Variants in KIF6 observed in about 807,000 individuals in gnomAD.
KIF6 encodes kinesin family member 6, also known as kinesin-like protein KIF6.
A neutral mutation model predicts 112.7 loss-of-function variants in KIF6; 106 were observed. That is an observed-to-expected ratio of 0.94 (90% confidence interval 0.80 to 1.11). The LOEUF is 1.11. Among genes scored for constraint, KIF6 ranks in the 50% least tolerant of loss-of-function variants. The pLI is 0.00. For missense variants in KIF6, 929 were observed against 964.0 expected (o/e 0.96, Z 0.48); for synonymous variants, 339 against 339.9 (o/e 1.00, Z 0.03).
intron 13 of KIF6, among the ~76,000 whole-genome samples, chr6:39,453,506 A>G (rs1293293912): frequency 1.3e-5 from 2 of 152,180 alleles, no homozygotes; most frequent in African/African-American, 2.4e-5. Context: ...TCCTTTCTAA[A>G]TTACTTTCAA....
intron 7 of KIF6, among the ~76,000 whole-genome samples, chr6:39,592,606 C>A (rs779255265): frequency 2.6e-5 from 4 of 152,152 alleles, no homozygotes; most frequent in African/African-American, 4.8e-5. Context: ...TGGGTCACAC[C>A]GGGAGCACTC....
At chr6:39,417,483 A>G (rs1374371513) in intron 15 of KIF6, among the ~76,000 whole-genome samples, 1 of 152,212 alleles carries the variant, frequency 6.6e-6, no homozygotes, top group South Asian at 2.1e-4. Flanking sequence ...GGATAAAACA[A>G]ATGTTTACTT....
intron 10 of KIF6, among the ~76,000 whole-genome samples, chr6:39,576,397 T>C (rs888780344): frequency 2.0e-5 from 3 of 152,212 alleles, no homozygotes; most frequent in Non-Finnish European, 2.9e-5. Context: ...GTGCTGGGAT[T>C]ACAGATGTGA....
At chr6:39,407,093 G>T (rs1027666110) in intron 15 of KIF6, among the ~76,000 whole-genome samples, 4 of 151,512 alleles carry the variant, frequency 2.6e-5, no homozygotes, top group African/African-American at 9.7e-5. Context: ...CATGTTCAGG[G>T]TCTTATTTAA....
intron 6 of KIF6, among the ~76,000 whole-genome samples, chr6:39,611,592 C>T (rs569881689): frequency 3.9e-5 from 6 of 152,230 alleles, no homozygotes; most frequent in Admixed American, 6.5e-5. Flanking sequence ...GGATCGCCTC[C>T]GAAAGAAAGT....
At chr6:39,623,539 T>C (rs1388796366) in intron 5 of KIF6, among the ~76,000 whole-genome samples, 1 of 152,238 alleles carries the variant, frequency 6.6e-6, no homozygotes, top group African/African-American at 2.4e-5. Context: ...AAAAGAGATC[T>C]ATTTAGCCAT....
Position 39,362,502 on chromosome 6 carries a change from C to T in KIF6, c.1878G>A (p.Met626Ile). 3 of 1,613,882 alleles carry T rather than the reference C, an allele frequency of 1.9e-6. No individual in the cohort carries two copies. Among genetic ancestry groups the T allele is most frequent in the Non-Finnish European group, 1.7e-6 (2 of 1,179,782 alleles). The change falls in exon 17 of 23, where the codon ATG becomes ATA. Residue 626 changes from methionine (M) to isoleucine (I), a missense_variant. Coordinates refer to ENST00000287152, the MANE Select transcript of KIF6 (RefSeq NM_145027.6). ...QQVALGISEN[M>I]AVPLMPDQQE... ...GCTGGTCTGGCATCAGAGGCACGGC[C>T]ATGTTTTCCGAGATTCCTGTAGAAG...
chr6:39,359,959 T>G (rs1324938257), intron 18 of KIF6, among the ~76,000 whole-genome samples: 3 of 152,198 alleles, frequency 2.0e-5, no homozygotes, highest in African/African-American at 7.2e-5. Context: ...TAATCAAACA[T>G]GTTAATATCA....
intron 15 of KIF6, among the ~76,000 whole-genome samples, chr6:39,412,448 C>T (rs1350875404): frequency 6.6e-6 from 1 of 152,186 alleles, no homozygotes; most frequent in Non-Finnish European, 1.5e-5. Context: ...TAATAACCTT[C>T]TTGTCAAAAT....
intron 3 of KIF6, among the ~76,000 whole-genome samples, chr6:39,656,493 T>C (rs1019103232): frequency 1.3e-5 from 2 of 152,236 alleles, no homozygotes; most frequent in Non-Finnish European, 1.5e-5. Context: ...CCTTTTAGGA[T>C]AAGATCCAAT....
chr6:39,531,789 C>A (rs560025317), intron 13 of KIF6, among the ~76,000 whole-genome samples: 16 of 152,264 alleles, frequency 1.1e-4, no homozygotes, highest in Non-Finnish European at 2.1e-4. Flanking sequence ...GCTTCTGATG[C>A]CCCTGCCTCT....
intron 3 of KIF6, among the ~76,000 whole-genome samples, chr6:39,644,649 G>T (rs1044194833): frequency 2.6e-5 from 4 of 152,148 alleles, no homozygotes; most frequent in Non-Finnish European, 5.9e-5. Context: ...TTAGACAGGG[G>T]CTAGAAGGAA....
chr6:39,660,498 G>T (rs1280645615), intron 3 of KIF6, among the ~76,000 whole-genome samples: 1 of 152,052 alleles, frequency 6.6e-6, no homozygotes, highest in African/African-American at 2.4e-5. Context: ...TGAAGTTATA[G>T]CTTGCTAAGT....
intron 6 of KIF6, among the ~76,000 whole-genome samples, chr6:39,611,513 C>A (rs62403323): frequency 0.025 from 3,875 of 152,152 alleles, 71 homozygotes; most frequent in Non-Finnish European, 0.037. Context: ...AGGTTAAGGG[C>A]CTTTCCATAA....
At chr6:39,591,515 T>C (rs1374342145) in intron 7 of KIF6, among the ~76,000 whole-genome samples, 1 of 152,114 alleles carries the variant, frequency 6.6e-6, no homozygotes, top group Non-Finnish European at 1.5e-5. Context: ...AAGCACTCAG[T>C]GATATGGAAG....
At chr6:39,447,976 G>A (rs978866670) in intron 13 of KIF6, among the ~76,000 whole-genome samples, 23 of 152,116 alleles carry the variant, frequency 1.5e-4, no homozygotes, top group African/African-American at 5.3e-4. Flanking sequence ...ACTGGTCAGC[G>A]GGCTGTGAGC....
At chr6:39,706,561 A>G (rs1487882646) in intron 3 of KIF6, among the ~76,000 whole-genome samples, 2 of 152,234 alleles carry the variant, frequency 1.3e-5, no homozygotes, top group Non-Finnish European at 2.9e-5. Flanking sequence ...TAAAATTGTC[A>G]CACTTAAAAG....
At chr6:39,695,086 T>C (rs546859157) in intron 3 of KIF6, among the ~76,000 whole-genome samples, 3 of 152,260 alleles carry the variant, frequency 2.0e-5, no homozygotes, top group African/African-American at 7.2e-5. Flanking sequence ...CCCTATTGAA[T>C]AAATGGTGCT....
In KIF6 at chr6:39,378,812, A is replaced by T. The variant is rs1766671524; in HGVS notation, c.1861+6810T>A. Among the ~76,000 whole-genome samples, 2 of 152,212 alleles carry T rather than the reference A, an allele frequency of 1.3e-5. No individual in the cohort carries two copies. The highest frequency in any genetic ancestry group is 4.1e-4 in the South Asian group (2 of 4,834). ...TGCTTAGAAGAGATATTTGAGAGAG[A>T]GGCCACAGCCCACGTTCCTGGGGCT... On this transcript the variant is annotated intron_variant, in intron 16 of 22. Coordinates refer to ENST00000287152, the MANE Select transcript of KIF6 (RefSeq NM_145027.6). This position sits in a 1 kb window ranked among gnomAD's most constrained non-coding sequence, Gnocchi z 5.0.
Sources: gnomAD v4.1 joint callset for allele counts (sites outside exome capture counted in the v4.1 genomes callset) on GRCh38, gnomAD v4.1.1 for gene constraint, Gnocchi (gnomAD v3.1) non-coding constraint, MANE v1.5 for transcripts, NCBI Gene and HGNC (gene_info 2026-07-23, HGNC 2026-07-21) for gene names.